The following SH3KBP1 variants were observed in gnomAD, a reference collection of about 807,000 sequenced individuals.
SH3KBP1 encodes the protein SH3 domain containing kinase binding protein 1.
In SH3KBP1, 8 loss-of-function variants were observed where a neutral mutation model predicts 50.1. The ratio of observed to expected loss-of-function variants is 0.16; its 90% CI spans 0.09 to 0.29. SH3KBP1 has a LOEUF of 0.29. Ranked by LOEUF, SH3KBP1 falls within the 10% of genes least tolerant of loss-of-function variation. SH3KBP1 has a pLI of 1.00. For synonymous variants in SH3KBP1, 227 were observed against 218.6 expected, an observed-to-expected ratio of 1.04 and a Z score of -0.34; for missense variants, 377 against 535.2, an observed-to-expected ratio of 0.70 and a Z score of 2.92.
chrX:19,547,102 T>C (rs6654065), intron 14 of SH3KBP1, among the ~76,000 whole-genome samples: 2,530 of 109,532 alleles, frequency 0.023, 77 homozygotes, highest in African/African-American at 0.08. Context: ...CAGTGAGCCA[T>C]TGACATTGCA....
chrX:19,821,019 G>A (rs928835256), intron 2 of SH3KBP1, among the ~76,000 whole-genome samples: 3 of 111,111 alleles, frequency 2.7e-5, no homozygotes, highest in Non-Finnish European at 5.7e-5. Context: ...TAATTTTCTT[G>A]CATATTACCT....
At chrX:19,608,154 T>C (rs2067297107) in intron 8 of SH3KBP1, 109 bp from the exon 9 acceptor site, 1 of 588,656 alleles carries the variant, frequency 1.7e-6, no homozygotes, top group East Asian at 3.6e-5. Flanking sequence ...TCCGTGTTAA[T>C]GAGGCAATGG....
At chrX:19,712,357 G>T (rs774189091) in intron 3 of SH3KBP1, among the ~76,000 whole-genome samples, 1 of 111,890 alleles carries the variant, frequency 8.9e-6, no homozygotes, top group East Asian at 2.8e-4. Context: ...TGTACTGAGG[G>T]AATTTATTAC....
chrX:19,611,378 C>T (rs5909322), intron 8 of SH3KBP1, among the ~76,000 whole-genome samples: 33,896 of 109,948 alleles, frequency 0.31, 5,141 homozygotes, highest in African/African-American at 0.6. Context: ...TTTTGAGACG[C>T]AGTCTCACTC....
At chrX:19,733,222 T>C (rs2148772813) in intron 3 of SH3KBP1, among the ~76,000 whole-genome samples, 1 of 111,721 alleles carries the variant, frequency 9.0e-6, no homozygotes, top group African/African-American at 3.2e-5. Flanking sequence ...GAAATTAAAA[T>C]TTTAACTTGA....
chrX:19,807,281 C>T (rs2067076556), intron 2 of SH3KBP1, among the ~76,000 whole-genome samples: 1 of 111,912 alleles, frequency 8.9e-6, no homozygotes, highest in African/African-American at 3.3e-5. Context: ...AAAACTCACC[C>T]ACCACTTTAT....
chrX:19,703,647 A>C (rs2148664152), intron 4 of SH3KBP1, among the ~76,000 whole-genome samples: 1 of 109,688 alleles, frequency 9.1e-6, no homozygotes, highest in African/African-American at 3.3e-5. Context: ...AAACTAGTCC[A>C]TACATTCAAA....
At chrX:19,643,307 A>G (rs73631365) in intron 7 of SH3KBP1, among the ~76,000 whole-genome samples, 1 of 74,583 alleles carries the variant, frequency 1.3e-5, no homozygotes, top group African/African-American at 6.8e-5. Flanking sequence ...AGAATTTTTT[A>G]TTTTTTTTTT....
chrX:19,803,468 C>T, intron 2 of SH3KBP1, among the ~76,000 whole-genome samples: 1 of 112,072 alleles, frequency 8.9e-6, no homozygotes, highest in Admixed American at 9.4e-5. Flanking sequence ...CCTTGACCTC[C>T]CAAAGCACTG....
At chrX:19,583,150 AT>A (rs1413545186) in intron 12 of SH3KBP1, among the ~76,000 whole-genome samples, 1 of 101,528 alleles carries the variant, frequency 9.8e-6, no homozygotes, top group African/African-American at 3.7e-5. Flanking sequence ...TATTATTATT[AT>A]TATTATTATT....
chrX:19,730,169 T>C (rs1283327210), intron 3 of SH3KBP1, among the ~76,000 whole-genome samples: 1 of 111,361 alleles, frequency 9.0e-6, no homozygotes, highest in Non-Finnish European at 1.9e-5. Flanking sequence ...AAAGGTCAAA[T>C]ATAAAACAAC....
At chrX:19,710,265 C>T (rs1399695105) in intron 3 of SH3KBP1, among the ~76,000 whole-genome samples, 1 of 112,530 alleles carries the variant, frequency 8.9e-6, no homozygotes, top group Non-Finnish European at 1.9e-5. Context: ...ATTTGTCCAG[C>T]GTCTCCACGC....
chrX:19,663,827 T>C (rs1054946225), intron 6 of SH3KBP1, among the ~76,000 whole-genome samples: 1 of 112,305 alleles, frequency 8.9e-6, no homozygotes, highest in African/African-American at 3.2e-5. Flanking sequence ...GGCTCACGCC[T>C]GTAATCCTAG....
At chrX:19,701,490 T>C (rs1330295321) in intron 4 of SH3KBP1, among the ~76,000 whole-genome samples, 2 of 109,925 alleles carry the variant, frequency 1.8e-5, no homozygotes, top group Non-Finnish European at 3.8e-5. Flanking sequence ...TTAGGGGAGG[T>C]CCCAAAGTTT....
chrX:19,630,484 C>T (rs1383823854), intron 8 of SH3KBP1, among the ~76,000 whole-genome samples: 1 of 112,112 alleles, frequency 8.9e-6, no homozygotes, highest in African/African-American at 3.2e-5. Flanking sequence ...ATCACTTCTG[C>T]CTCATTTGCA....
intron 1 of SH3KBP1, among the ~76,000 whole-genome samples, chrX:19,841,988 T>A (rs2068234572): frequency 9.3e-6 from 1 of 108,035 alleles, no homozygotes; most frequent in Non-Finnish European, 1.9e-5. Context: ...GTTACACCAG[T>A]CAGGAACATA....
At chrX:19,885,937 T>C (rs1467064615) in intron 1 of SH3KBP1, among the ~76,000 whole-genome samples, 2 of 111,085 alleles carry the variant, frequency 1.8e-5, no homozygotes, top group African/African-American at 3.3e-5. Context: ...CTGAGCAAAC[T>C]ATGCAACACT....
Position 19,652,257 on chromosome X carries a change from C to G in SH3KBP1, c.727-6782G>C, listed in dbSNP as rs1250968733. On this transcript the variant is annotated intron_variant, in intron 6 of 17. Transcript: ENST00000397821. ...TTGCCCTTGCCTTGCTTCCTCTTGT[C>G]CACCCCACCTCAACCCCCAACACAC... 2.0e-4 allele frequency among the ~76,000 whole-genome samples: 22 copies of G among 111,251 alleles called. No individual in the cohort carries two copies. The Admixed American group carries it at 2.1e-3, about 11-fold the overall frequency.
chrX:19,672,618 T>G (rs780614988), intron 6 of SH3KBP1, among the ~76,000 whole-genome samples: 3 of 111,854 alleles, frequency 2.7e-5, no homozygotes, highest in Non-Finnish European at 3.8e-5. Flanking sequence ...GCCATGGTCA[T>G]CAAAAATAAA....
Sources: allele counts gnomAD v4.1 joint callset (sites outside exome capture counted in the v4.1 genomes callset), GRCh38; gene constraint gnomAD v4.1.1; transcripts MANE v1.5; gene names NCBI Gene and HGNC (gene_info 2026-07-23, HGNC 2026-07-21).